Variants in LRBA observed in about 807,000 individuals in gnomAD.
LRBA encodes the protein LPS responsive beige-like anchor protein.
In LRBA, 176 loss-of-function variants were observed where a neutral mutation model predicts 330.0. The observed-to-expected ratio is 0.53, with a 90% CI of 0.47 to 0.60. The LOEUF is 0.60. Among genes scored for constraint, LRBA ranks in the 20% least tolerant of loss-of-function variants. The probability of loss-of-function intolerance (pLI) is 0.00; values close to 1 mark genes in which losing one functional copy is unlikely to be tolerated. For synonymous variants in LRBA, 1,230 were observed against 1,193.0 expected (o/e 1.03, Z -0.64); for missense variants, 3,259 against 3,444.8 (o/e 0.95, Z 1.35).
At chr4:150,754,144 A>C (rs1012105093) in intron 35 of LRBA, among the ~76,000 whole-genome samples, 2 of 148,284 alleles carry the variant, frequency 1.3e-5, no homozygotes, top group Non-Finnish European at 2.9e-5. Flanking sequence ...AAGCCTCCAT[A>C]TTCAAAACCT....
At chr4:150,415,203 T>C (rs1292047262) in intron 47 of LRBA, among the ~76,000 whole-genome samples, 1 of 152,242 alleles carries the variant, frequency 6.6e-6, no homozygotes, top group Admixed American at 6.5e-5. Context: ...TGAATCATCA[T>C]GTATATATGA....
At chr4:150,877,783 TAAAG>T (rs1249552662) in intron 17 of LRBA, among the ~76,000 whole-genome samples, 3 of 152,290 alleles carry the variant, frequency 2.0e-5, no homozygotes, top group Non-Finnish European at 2.9e-5. Flanking sequence ...TGCTTCGCCA[TAAAG>T]AAAGTCTCAA....
rs753862368 is a variant in LRBA, at chr4:150,590,880, A to T, written c.6047-21T>A. The T allele has an allele frequency of 3.7e-6, 6 of 1,612,576 alleles. No individual in the cohort carries two copies. The African/African-American group carries it at 5.3e-5, about 14-fold the overall frequency. On this transcript the variant is annotated intron_variant, in intron 38 of 56. Coordinates refer to ENST00000651943, the MANE Select transcript of LRBA (RefSeq NM_001364905.1). ...TGTGGCTGAAATGAAAAGGAAACAA[A>T]GCTGTCCATCAGTTCTGGGAAGAGC...
chr4:151,006,971 A>G (rs1231688845), intron 2 of LRBA, among the ~76,000 whole-genome samples: 2 of 152,226 alleles, frequency 1.3e-5, no homozygotes, highest in Non-Finnish European at 2.9e-5. Flanking sequence ...TCACATGGAA[A>G]TGCAAAGGGC....
chr4:150,617,566 C>T (rs184814641), intron 37 of LRBA, among the ~76,000 whole-genome samples: 2 of 152,162 alleles, frequency 1.3e-5, no homozygotes, highest in East Asian at 3.9e-4. Flanking sequence ...CGCTTGAACC[C>T]GAGAGGCGGA....
intron 2 of LRBA, among the ~76,000 whole-genome samples, chr4:150,969,393 G>T (rs1227679045): frequency 1.3e-5 from 2 of 152,102 alleles, no homozygotes; most frequent in Non-Finnish European, 2.9e-5. Flanking sequence ...GGAGGAGTTT[G>T]GAAGAAATGG....
intron 22 of LRBA, among the ~76,000 whole-genome samples, chr4:150,853,376 T>G (rs1750848062): frequency 6.6e-6 from 1 of 152,182 alleles, no homozygotes; most frequent in Non-Finnish European, 1.5e-5. Flanking sequence ...TATCAATTAA[T>G]TATGCTCACC....
intron 35 of LRBA, among the ~76,000 whole-genome samples, chr4:150,745,446 C>T (rs1732561247): frequency 6.6e-6 from 1 of 151,632 alleles, no homozygotes; most frequent in Non-Finnish European, 1.5e-5. Flanking sequence ...GCAAAAGCAA[C>T]AAAAAGAGAA....
At chr4:150,489,161 A>T (rs1308738038) in intron 41 of LRBA, among the ~76,000 whole-genome samples, 1 of 122,372 alleles carries the variant, frequency 8.2e-6, no homozygotes, top group Non-Finnish European at 1.6e-5. Context: ...CAGAATATAT[A>T]ATATATTATA....
chr4:150,942,823 G>C (rs1363667593), intron 2 of LRBA, among the ~76,000 whole-genome samples: 1 of 151,970 alleles, frequency 6.6e-6, no homozygotes, highest in African/African-American at 2.4e-5. Flanking sequence ...CTGACTCATA[G>C]TCTCATGTTT....
Position 150,583,557 on chromosome 4 carries a change from C to T in LRBA, c.6330+4491G>A. 1 of 1,613,766 alleles carries T rather than the reference C, an allele frequency of 6.2e-7. No homozygotes were observed. ...TGCAAATCACTCCGGCGTTCAAGTG[C>T]ACCGGGATCTGGCCTCGCAGCGCGG... is the stretch of plus-strand genomic sequence containing the variant. On this transcript the variant is annotated intron_variant, in intron 40 of 56. Transcript: ENST00000651943. The surrounding 1 kb of genome is among the most constrained non-coding windows in gnomAD (Gnocchi z 9.8).
intron 51 of LRBA, among the ~76,000 whole-genome samples, chr4:150,312,716 A>G (rs1406381849): frequency 6.6e-6 from 1 of 152,152 alleles, no homozygotes; most frequent in Non-Finnish European, 1.5e-5. Context: ...TTAATGATAG[A>G]CTGTTAAAAT....
At chr4:150,462,697 G>C (rs1754932489) in intron 44 of LRBA, among the ~76,000 whole-genome samples, 1 of 151,660 alleles carries the variant, frequency 6.6e-6, no homozygotes, top group Non-Finnish European at 1.5e-5. Context: ...ATATAAATAT[G>C]CATAAATAAT....
chr4:150,601,181 G>A (rs2126521664), intron 37 of LRBA, among the ~76,000 whole-genome samples: 1 of 152,260 alleles, frequency 6.6e-6, no homozygotes, highest in East Asian at 1.9e-4. Context: ...TCAGTATTAT[G>A]CAAAGGTAGT....
intron 2 of LRBA, among the ~76,000 whole-genome samples, chr4:150,990,328 G>A (rs955359324): frequency 6.6e-6 from 1 of 152,154 alleles, no homozygotes; most frequent in African/African-American, 2.4e-5. Flanking sequence ...ATTTAACGTG[G>A]TAGTCTATAT....
At chr4:150,693,161 A>T (rs1056766939) in intron 36 of LRBA, among the ~76,000 whole-genome samples, 12 of 152,228 alleles carry the variant, frequency 7.9e-5, no homozygotes, top group Admixed American at 6.5e-4. Flanking sequence ...TAGTAATGAA[A>T]GAGAAGTTGA....
At chr4:150,680,145 A>G (rs1346759390) in intron 37 of LRBA, among the ~76,000 whole-genome samples, 2 of 152,148 alleles carry the variant, frequency 1.3e-5, no homozygotes. Flanking sequence ...TTATTCCACT[A>G]TTCTTATCAA....
At position 150,851,962 on chromosome 4, in the gene LRBA, C is replaced by A. The variant is rs146423687; in HGVS notation, c.3748G>T (p.Ala1250Ser). 1.9e-6 allele frequency: 3 copies of A among 1,614,002 alleles called. No individual in the cohort carries two copies. Among genetic ancestry groups the A allele is most frequent in the African/African-American group, 2.7e-5 (2 of 74,922 alleles). ...AACTCCAGCCTCTCAGTATCTGTAG[C>A]AACATTGGAAACATCCAACTTCGCA... ...KIAKLDVSNVATDTERLELKA... is the reference protein window; with the variant it reads ...KIAKLDVSNVSTDTERLELKA... Residue 1250 changes from alanine (A) to serine (S), a missense_variant, in exon 23 of 57, where the codon GCT (alanine) becomes TCT (serine). Physicochemically the swap from Ala to Ser is moderately conservative, Grantham distance 99. Coordinates refer to ENST00000651943, the MANE Select transcript of LRBA (RefSeq NM_001364905.1).
chr4:150,827,904 C>A (rs1578910403), intron 30 of LRBA, among the ~76,000 whole-genome samples: 1 of 151,998 alleles, frequency 6.6e-6, no homozygotes, highest in Admixed American at 6.6e-5. Context: ...ACCTGGCCTT[C>A]CTTATGATTT....
Sources: allele counts gnomAD v4.1 joint callset (sites outside exome capture counted in the v4.1 genomes callset), GRCh38; gene constraint gnomAD v4.1.1; non-coding constraint Gnocchi (gnomAD v3.1); transcripts MANE v1.5; gene names NCBI Gene and HGNC (gene_info 2026-07-23, HGNC 2026-07-21).